PDE4A: variants seen among roughly 807,000 people sequenced by gnomAD.
PDE4A encodes 3',5'-cyclic-AMP phosphodiesterase 4A.
In PDE4A, 21 loss-of-function variants were observed where a neutral mutation model predicts 73.9. That is an observed-to-expected ratio of 0.28 (90% CI 0.20 to 0.41). The LOEUF (loss-of-function observed/expected upper bound fraction) is 0.41. Ranked by LOEUF, PDE4A falls within the 10% of genes least tolerant of loss-of-function variation. The pLI, the probability that PDE4A is intolerant of heterozygous loss-of-function variation, is 1.00. For synonymous variants in PDE4A, 463 were observed against 505.4 expected (o/e 0.92, Z 1.13); for missense variants, 958 against 1,211.4 (o/e 0.79, Z 3.10).
intron 1 of PDE4A, among the ~76,000 whole-genome samples, chr19:10,432,724 C>T (rs1379699422): frequency 6.6e-6 from 1 of 152,152 alleles, no homozygotes; most frequent in Non-Finnish European, 1.5e-5. Context: ...GCTCTAAAGG[C>T]CTGGGGTGCT....
rs1293849224 is a variant in PDE4A, at chr19:10,469,510, C to G, written c.*1889C>G. 2 of 152,412 alleles carry G rather than the reference C, an allele frequency of 1.3e-5. No individual in the cohort carries two copies. 9.4% of individuals were successfully genotyped at this position (152,412 alleles called of 1,614,324 possible). A position where few individuals can be genotyped will look rare whatever the true frequency, so the allele number is the denominator to read the frequency against. On this transcript the variant is annotated 3_prime_UTR_variant, in exon 15 of 15. Transcript: ENST00000380702. The stretch of plus-strand genomic sequence containing the variant: ...CACCCCCAAGCAGGGCTCCTCTCCC[C>G]AGGGTGAGCACAGGACCTCTGTAAG...
chr19:10,466,533 T>C (rs183570335), intron 14 of PDE4A, among the ~76,000 whole-genome samples: 11 of 150,196 alleles, frequency 7.3e-5, no homozygotes, highest in African/African-American at 2.4e-4. Context: ...AGTCTTGCTC[T>C]GTCACCCAGG....
upstream of PDE4A, among the ~76,000 whole-genome samples, chr19:10,418,514 T>G (rs1236737687): frequency 7.4e-6 from 1 of 135,344 alleles, no homozygotes; most frequent in Non-Finnish European, 1.6e-5. Context: ...CCCACCCCCA[T>G]CTACTCAATT....
At position 10,463,985 on chromosome 19, in the gene PDE4A, C is replaced by T. The variant is rs376846428; in HGVS notation, c.1926+10C>T. ...CGTGGAGAAGTCTCAGGTACAGGCT[C>T]GGGGCATTGATGGACGGGCACAGGG... On this transcript the variant is annotated intron_variant, in intron 14 of 14. Transcript: ENST00000380702. 1.9e-5 allele frequency: 30 copies of T among 1,613,866 alleles called. No individual in the cohort carries two copies. In the South Asian group the frequency reaches 1.9e-4, roughly 10 times the overall value.
chr19:10,456,734 A>G (rs1345677405), intron 7 of PDE4A, among the ~76,000 whole-genome samples: 1 of 151,884 alleles, frequency 6.6e-6, no homozygotes, highest in Non-Finnish European at 1.5e-5. Context: ...AATTCAATGG[A>G]ACCCCAAATG....
chr19:10,453,407 T>C lies in PDE4A; in HGVS notation c.784-1422T>C. ...CGGTGTGGGCTTGTGTGTGCAGCTGTGCACGTGTGTGGCCTGGAGATGAAG... is the reference window on the plus strand; with the variant it reads ...CGGTGTGGGCTTGTGTGTGCAGCTGCGCACGTGTGTGGCCTGGAGATGAAG... On this transcript the variant is annotated intron_variant, in intron 6 of 14. Transcript: ENST00000380702. This position sits in a 1 kb window ranked among gnomAD's most constrained non-coding sequence, Gnocchi z 4.6. The C allele has an allele frequency of 1.3e-6, 2 of 1,494,528 alleles. No homozygotes were observed. Among genetic ancestry groups the C allele is most frequent in the Non-Finnish European group, 1.8e-6 (2 of 1,110,684 alleles). The allele number at this position is 1,494,528 out of a possible 1,614,324, so 92.6% of individuals were successfully genotyped here.
Position 10,439,428 on chromosome 19 carries a change from C to T in PDE4A, c.321-6790C>T, listed in dbSNP as rs375557800. 3.3e-5 allele frequency among the ~76,000 whole-genome samples: 5 copies of T among 152,260 alleles called. 1 individual carries two copies. Among genetic ancestry groups the T allele is most frequent in the East Asian group, 1.9e-4 (1 of 5,190 alleles). On this transcript the variant is annotated intron_variant, in intron 1 of 14. Coordinates refer to ENST00000380702, the MANE Select transcript of PDE4A (RefSeq NM_001111307.2). ...AACTCTGGACCTCAGGTAATCTGCC[C>T]GCCTCGGCCTCCCAAAATGCTGGGA...
At chr19:10,465,565 C>T (rs1440950724) in intron 14 of PDE4A, among the ~76,000 whole-genome samples, 4 of 151,632 alleles carry the variant, frequency 2.6e-5, no homozygotes, top group African/African-American at 4.8e-5. Flanking sequence ...CAGACATTGC[C>T]AAATGTCCCC....
chr19:10,467,286 G>A lies in PDE4A; in HGVS notation c.2326G>A (p.Ala776Thr). ...AGCATCCCTGGAGGCCGAGCTGGAG[G>A]CAGTGTATTTGACACAGCAGGCACA... Reference protein sequence around the residue: ...QEASLEAELEAVYLTQQAQST... With the variant: ...QEASLEAELETVYLTQQAQST... The change falls in exon 15 of 15, where the codon GCA becomes ACA. Residue 776 changes from alanine (A) to threonine (T), a missense_variant. By Grantham distance (58) the Ala-to-Thr change is moderately conservative. Transcript: ENST00000380702. The A allele has an allele frequency of 6.2e-7, 1 of 1,614,194 alleles. No individual in the cohort carries two copies. The highest frequency in any genetic ancestry group is 1.1e-5 in the South Asian group (1 of 91,078).
upstream of PDE4A, chr19:10,419,102 G>T (rs923569812): frequency 1.0e-6 from 1 of 980,596 alleles, no homozygotes; most frequent in African/African-American, 1.8e-5. Flanking sequence ...AAGGGCGCGG[G>T]GGGAGGGCGG....
chr19:10,459,303 G>C (rs748532534), intron 8 of PDE4A, 97 bp from the exon 9 acceptor site: 1 of 1,580,066 alleles, frequency 6.3e-7, no homozygotes, highest in Non-Finnish European at 8.6e-7. Flanking sequence ...GAGCAATAAT[G>C]GTGCTTCCTT....
chr19:10,418,897 T>TGGG (rs35789387), upstream of PDE4A: 8 of 979,852 alleles, frequency 8.2e-6, no homozygotes, highest in African/African-American at 1.4e-4. Context: ...GAGTGTGTAA[T>TGGG]GGGGGGGGTG....
rs1042411247 is a variant in PDE4A at position 10,467,645 on chromosome 19, C to A, written c.*24C>A. On this transcript the variant is annotated 3_prime_UTR_variant, in exon 15 of 15. Coordinates refer to ENST00000380702, the MANE Select transcript of PDE4A (RefSeq NM_001111307.2). ...GATCCCCAGACCTCTGTCCCTGTTC[C>A]CCTCCACTCCTCCCCTCACTCCCCT... The A allele has an allele frequency of 6.6e-7, 1 of 1,504,184 alleles. No homozygotes were observed. The highest frequency in any genetic ancestry group is 1.4e-5 in the African/African-American group (1 of 71,934). The allele number at this position is 1,504,184 out of a possible 1,614,324, so 93.2% of individuals were successfully genotyped here. A position where few individuals can be genotyped will look rare whatever the true frequency, so the allele number is the denominator to read the frequency against.
Position 10,453,065 on chromosome 19 carries a change from G to A in PDE4A, c.784-1764G>A, listed in dbSNP as rs993775636. On this transcript the variant is annotated intron_variant, in intron 6 of 14. Coordinates refer to ENST00000380702, the MANE Select transcript of PDE4A (RefSeq NM_001111307.2). The surrounding 1 kb of genome is among the most constrained non-coding windows in gnomAD (Gnocchi z 4.6). ...GGGCCCGTTGGGGCCCAGGGCTGGCGGGCCATGTAACCAGGGCTGCTGCTG... is the reference window on the plus strand; with the variant it reads ...GGGCCCGTTGGGGCCCAGGGCTGGCAGGCCATGTAACCAGGGCTGCTGCTG... 7.5e-6 allele frequency: 10 copies of A among 1,329,656 alleles called. No homozygotes were observed. Among genetic ancestry groups the A allele is most frequent in the South Asian group, 1.9e-5 (1 of 53,326 alleles). 82.4% of individuals were successfully genotyped at this position (1,329,656 alleles called of 1,614,324 possible).
chr19:10,452,226 G>A, intron 6 of PDE4A, among the ~76,000 whole-genome samples: 1 of 151,954 alleles, frequency 6.6e-6, no homozygotes, highest in East Asian at 1.9e-4. Context: ...GATCACCTGA[G>A]GTCGGGAGTT....
intron 1 of PDE4A, among the ~76,000 whole-genome samples, chr19:10,431,311 T>C: frequency 6.6e-6 from 1 of 152,234 alleles, no homozygotes; most frequent in East Asian, 1.9e-4. Flanking sequence ...TGTGCAAACC[T>C]GAAGCTGCGG....
upstream of PDE4A, chr19:10,417,254 G>T (rs1206325053): frequency 1.0e-6 from 1 of 985,124 alleles, no homozygotes; most frequent in East Asian, 1.1e-4. Flanking sequence ...GGGGGCGCTA[G>T]GGGTGGTGAG....
rs2145438709 is a variant in PDE4A, at chr19:10,420,628, T to G, written c.-137T>G. ...GCGATTGGCCCGCAGCGCCCCCGGG[T>G]CTGTCCCCGGGGCGCCATGGCCCTA... On this transcript the variant is annotated 5_prime_UTR_variant, in exon 1 of 15. Coordinates refer to ENST00000380702, the MANE Select transcript of PDE4A (RefSeq NM_001111307.2). The surrounding 1 kb of genome is among the most constrained non-coding windows in gnomAD (Gnocchi z 6.0). The G allele has an allele frequency of 7.5e-7, 1 of 1,327,432 alleles. No homozygotes were observed. Among genetic ancestry groups the G allele is most frequent in the Non-Finnish European group, 9.6e-7 (1 of 1,044,794 alleles). The allele number at this position is 1,327,432 out of a possible 1,614,324, so 82.2% of individuals were successfully genotyped here. A position where few individuals can be genotyped will look rare whatever the true frequency, so the allele number is the denominator to read the frequency against.
chr19:10,418,729 T>C (rs2042610753), upstream of PDE4A: 1 of 984,510 alleles, frequency 1.0e-6, no homozygotes, highest in Non-Finnish European at 1.2e-6. Context: ...AGCTGTGTCC[T>C]GACACCCCCA....
Sources: gnomAD v4.1 joint callset for allele counts (sites outside exome capture counted in the v4.1 genomes callset) on GRCh38, gnomAD v4.1.1 for gene constraint, Gnocchi (gnomAD v3.1) non-coding constraint, MANE v1.5 for transcripts, NCBI Gene and HGNC (gene_info 2026-07-23, HGNC 2026-07-21) for gene names.